The following ST6GALNAC5 variants were observed in gnomAD, a reference collection of about 807,000 sequenced individuals.
The protein encoded by ST6GALNAC5 is alpha-N-acetylgalactosaminide alpha-2,6-sialyltransferase 5.
In ST6GALNAC5, 27 loss-of-function variants were observed where a neutral mutation model predicts 33.6. That is an observed-to-expected ratio of 0.80 (90% CI 0.59 to 1.11). The LOEUF (loss-of-function observed/expected upper bound fraction) is 1.11. Among genes scored for constraint, ST6GALNAC5 ranks in the 50% least tolerant of loss-of-function variants. The probability of loss-of-function intolerance (pLI) is 0.00; values close to 1 mark genes in which losing one functional copy is unlikely to be tolerated. For missense variants in ST6GALNAC5, 428 were observed against 454.0 expected (o/e 0.94, Z 0.52); for synonymous variants, 194 against 171.2 (o/e 1.13, Z -1.04).
intron 2 of ST6GALNAC5, among the ~76,000 whole-genome samples, chr1:76,924,677 T>G (rs1393608085): frequency 6.6e-6 from 1 of 152,158 alleles, no homozygotes; most frequent in Non-Finnish European, 1.5e-5. Flanking sequence ...GTACAATGAC[T>G]GGAGCATCCA....
intron 2 of ST6GALNAC5, among the ~76,000 whole-genome samples, chr1:76,891,510 A>G (rs1324242887): frequency 1.3e-5 from 2 of 152,094 alleles, no homozygotes; most frequent in Non-Finnish European, 2.9e-5. Flanking sequence ...TGATTTGCAA[A>G]TTATTTTCTC....
chr1:77,038,901 G>T (rs751381063), intron 2 of ST6GALNAC5, among the ~76,000 whole-genome samples: 1 of 152,200 alleles, frequency 6.6e-6, no homozygotes, highest in South Asian at 2.1e-4. Context: ...GTTGCTGGGG[G>T]TGGGCAGGGG....
At chr1:76,977,559 T>A (rs1649062515) in intron 2 of ST6GALNAC5, among the ~76,000 whole-genome samples, 8 of 152,158 alleles carry the variant, frequency 5.3e-5, no homozygotes, top group Admixed American at 5.2e-4. Flanking sequence ...ATGAGTGAGA[T>A]CATGCAGTGT....
intron 2 of ST6GALNAC5, among the ~76,000 whole-genome samples, chr1:76,982,070 A>G (rs1472826452): frequency 2.0e-5 from 3 of 152,192 alleles, no homozygotes; most frequent in Non-Finnish European, 4.4e-5. Flanking sequence ...CAGAGCAGAA[A>G]AGCTGAAAAT....
At chr1:76,899,774 A>C (rs1646798150) in intron 2 of ST6GALNAC5, among the ~76,000 whole-genome samples, 1 of 152,180 alleles carries the variant, frequency 6.6e-6, no homozygotes, top group African/African-American at 2.4e-5. Flanking sequence ...GAAAGAAGAA[A>C]GACGTTGAGG....
intron 2 of ST6GALNAC5, among the ~76,000 whole-genome samples, chr1:76,917,259 T>C (rs926841505): frequency 2.0e-5 from 3 of 152,140 alleles, no homozygotes; most frequent in Non-Finnish European, 4.4e-5. Flanking sequence ...TTATAAGCAA[T>C]TGACACAAGA....
chr1:76,876,207 A>T (rs937724400), intron 2 of ST6GALNAC5, among the ~76,000 whole-genome samples: 4 of 152,104 alleles, frequency 2.6e-5, no homozygotes, highest in Non-Finnish European at 4.4e-5. Flanking sequence ...CTGGCTGATC[A>T]CCCCAAGGAA....
intron 2 of ST6GALNAC5, among the ~76,000 whole-genome samples, chr1:77,029,567 G>A (rs981391479): frequency 6.6e-6 from 1 of 152,208 alleles, no homozygotes; most frequent in Non-Finnish European, 1.5e-5. Flanking sequence ...CTCCCTAGAG[G>A]CATGGGGACT....
intron 2 of ST6GALNAC5, among the ~76,000 whole-genome samples, chr1:76,902,733 C>A (rs905226217): frequency 6.6e-6 from 1 of 152,106 alleles, no homozygotes; most frequent in Non-Finnish European, 1.5e-5. Context: ...ACAAATAAAT[C>A]TATATGTCTT....
At chr1:76,951,637 T>TA (rs1367111726) in intron 2 of ST6GALNAC5, among the ~76,000 whole-genome samples, 1 of 152,154 alleles carries the variant, frequency 6.6e-6, no homozygotes, top group African/African-American at 2.4e-5. Flanking sequence ...GATAATATTT[T>TA]AATGAAATAT....
intron 2 of ST6GALNAC5, among the ~76,000 whole-genome samples, chr1:76,961,065 C>A: frequency 6.6e-6 from 1 of 152,118 alleles, no homozygotes; most frequent in East Asian, 1.9e-4. Context: ...AATTTATGTT[C>A]AGAGATTGCA....
intron 2 of ST6GALNAC5, among the ~76,000 whole-genome samples, chr1:76,885,720 T>C (rs1653877741): frequency 6.6e-6 from 1 of 152,234 alleles, no homozygotes; most frequent in African/African-American, 2.4e-5. Flanking sequence ...ATCCCTCTAG[T>C]AGCTTAAAAA....
intron 2 of ST6GALNAC5, among the ~76,000 whole-genome samples, chr1:77,021,680 T>G (rs1651059723): frequency 6.6e-6 from 1 of 152,178 alleles, no homozygotes; most frequent in Non-Finnish European, 1.5e-5. Flanking sequence ...GATATTCCTT[T>G]CTCCTCTCTG....
At chr1:76,950,912 A>C (rs1244762463) in intron 2 of ST6GALNAC5, among the ~76,000 whole-genome samples, 1 of 152,078 alleles carries the variant, frequency 6.6e-6, no homozygotes, top group Non-Finnish European at 1.5e-5. Context: ...GTAGGTGAAG[A>C]CGAGGAATGT....
At chr1:76,962,936 CT>C (rs1274219777) in intron 2 of ST6GALNAC5, among the ~76,000 whole-genome samples, 3 of 152,124 alleles carry the variant, frequency 2.0e-5, no homozygotes, top group Admixed American at 6.6e-5. Context: ...TGAACATTGA[CT>C]TTTTTTATAG....
intron 4 of ST6GALNAC5, among the ~76,000 whole-genome samples, chr1:77,052,636 C>T (rs183952430): frequency 2.1e-3 from 323 of 151,852 alleles, no homozygotes; most frequent in Non-Finnish European, 4.0e-3. Flanking sequence ...ACCAAGAATT[C>T]TGAGCAGGGG....
At chr1:77,026,516 G>A (rs942812584) in intron 2 of ST6GALNAC5, among the ~76,000 whole-genome samples, 1 of 144,126 alleles carries the variant, frequency 6.9e-6, no homozygotes, top group Non-Finnish European at 1.5e-5. Context: ...GGGTTCAGAG[G>A]GCTAAGCTTA....
Position 77,066,401 on chromosome 1 carries a change from G to T in ST6GALNAC5, c.*3195G>T, listed in dbSNP as rs966611893. 6.6e-6 allele frequency among the ~76,000 whole-genome samples: 1 copy of T among 152,140 alleles called. No individual in the cohort carries two copies. The highest frequency in any genetic ancestry group is 2.4e-5 in the African/African-American group (1 of 41,422). On this transcript the variant is annotated 3_prime_UTR_variant, in exon 5 of 5. Coordinates refer to ENST00000477717, the MANE Select transcript of ST6GALNAC5 (RefSeq NM_030965.3). ...CTCTCCATTACTGATCTATTTGAAT[G>T]ACATGAGAATGGAGGGAAATAATCT...
chr1:77,052,983 G>C (rs1363446772), intron 4 of ST6GALNAC5, among the ~76,000 whole-genome samples: 1 of 150,624 alleles, frequency 6.6e-6, no homozygotes, highest in Admixed American at 6.6e-5. Flanking sequence ...TTGCCTCCTG[G>C]AGGCTTATAA....
Sources: gnomAD v4.1 joint callset for allele counts (sites outside exome capture counted in the v4.1 genomes callset) on GRCh38, gnomAD v4.1.1 for gene constraint, MANE v1.5 for transcripts, NCBI Gene and HGNC (gene_info 2026-07-23, HGNC 2026-07-21) for gene names.